Variants in TTC7A observed in about 807,000 individuals in gnomAD.
TTC7A encodes tetratricopeptide repeat protein 7A.
TTC7A carries 110 observed loss-of-function variants against 103.7 expected under a neutral mutation model. That is an observed-to-expected ratio of 1.06 (90% CI 0.91 to 1.24). TTC7A has a LOEUF of 1.24. TTC7A is among the 50% of genes most tolerant of loss of function. TTC7A has a pLI of 0.00. For synonymous variants in TTC7A, 521 were observed against 467.9 expected (o/e 1.11, Z -1.47); for missense variants, 1,340 against 1,116.3 (o/e 1.20, Z -2.86).
chr2:46,954,392 A>G (rs2103996476), intron 2 of TTC7A, among the ~76,000 whole-genome samples: 1 of 152,230 alleles, frequency 6.6e-6, no homozygotes, highest in African/African-American at 2.4e-5. Context: ...AATATTTCAC[A>G]TTCAAATGCA....
chr2:46,949,257 A>G (rs192634399), intron 1 of TTC7A, among the ~76,000 whole-genome samples: 4 of 152,142 alleles, frequency 2.6e-5, no homozygotes, highest in Non-Finnish European at 5.9e-5. Context: ...ATTTTTTGAG[A>G]CAGAATCTCA....
chr2:46,965,368 G>C (rs1672743889), intron 3 of TTC7A, among the ~76,000 whole-genome samples: 1 of 152,140 alleles, frequency 6.6e-6, no homozygotes, highest in African/African-American at 2.4e-5. Flanking sequence ...GGTGTGGGCT[G>C]TGTGCCTCAC....
chr2:46,952,530 T>G (rs952325591), intron 2 of TTC7A, among the ~76,000 whole-genome samples: 4 of 152,182 alleles, frequency 2.6e-5, no homozygotes, highest in Admixed American at 6.5e-5. Context: ...GGTGGGAGGA[T>G]TGCTTGAGCC....
intron 19 of TTC7A, among the ~76,000 whole-genome samples, chr2:47,068,862 CAAAAAA>C (rs201835431): frequency 5.7e-5 from 4 of 69,762 alleles, no homozygotes; most frequent in Non-Finnish European, 1.3e-4. Flanking sequence ...TCAATTTTTT[CAAAAAA>C]AAAAAAAAAA....
rs1685029908 is a variant in TTC7A, at chr2:47,074,164, T to C, written c.*241T>C. On this transcript the variant is annotated 3_prime_UTR_variant, in exon 20 of 20. Coordinates refer to ENST00000319190, the MANE Select transcript of TTC7A (RefSeq NM_020458.4). ...CCCTAAGTGCCTTTGGAGAGTTTTG[T>C]GGTGACCAGACTTGCTCCCCAAGAG... 3 of 554,060 alleles carry C rather than the reference T, an allele frequency of 5.4e-6. No homozygotes were observed. In the Admixed American group the frequency reaches 9.6e-5, roughly 18 times the overall value. 34.3% of individuals were successfully genotyped at this position (554,060 alleles called of 1,614,324 possible). A position where few individuals can be genotyped will look rare whatever the true frequency, so the allele number is the denominator to read the frequency against.
upstream of TTC7A, among the ~76,000 whole-genome samples, chr2:46,939,516 ACCCCC>A (rs1670154697): frequency 6.6e-6 from 1 of 152,246 alleles, no homozygotes; most frequent in East Asian, 1.9e-4. Context: ...AGTATTGGTG[ACCCCC>A]TTAAAGCAAC....
intron 14 of TTC7A, among the ~76,000 whole-genome samples, chr2:47,026,100 T>C (rs556105787): frequency 1.4e-4 from 22 of 152,268 alleles, no homozygotes; most frequent in Admixed American, 7.2e-4. Flanking sequence ...CTTGGAGACC[T>C]CATTTTGGCA....
At chr2:46,927,596 G>A (rs1372259774) in intron 2 of TTC7A, among the ~76,000 whole-genome samples, 3 of 151,826 alleles carry the variant, frequency 2.0e-5, no homozygotes, top group East Asian at 1.9e-4. Context: ...TCCTGACCTC[G>A]TGATCTGCTC....
chr2:47,021,133 A>G (rs111777698), intron 11 of TTC7A, among the ~76,000 whole-genome samples: 2 of 152,216 alleles, frequency 1.3e-5, no homozygotes, highest in African/African-American at 4.8e-5. Context: ...ACTTGGGCAC[A>G]CTACCACACC....
In TTC7A at chr2:46,958,563, G is replaced by A. The variant is rs756644672; in HGVS notation, c.517+1556G>A. ...GGTCCTGCAGGGGAGGTAAGGAGAC[G>A]GGCGCTGCCGGCGCGGGCTGCTTGG... On this transcript the variant is annotated intron_variant, in intron 3 of 19. Transcript: ENST00000319190. 8.8e-5 allele frequency: 115 copies of A among 1,301,776 alleles called. 1 individual carries two copies. The South Asian group carries it at 1.2e-3, about 13-fold the overall frequency. 80.6% of individuals were successfully genotyped at this position (1,301,776 alleles called of 1,614,324 possible). A position where few individuals can be genotyped will look rare whatever the true frequency, so the allele number is the denominator to read the frequency against.
At chr2:47,070,614 G>T (rs960389514) in intron 19 of TTC7A, among the ~76,000 whole-genome samples, 2 of 152,188 alleles carry the variant, frequency 1.3e-5, no homozygotes, top group Non-Finnish European at 2.9e-5. Context: ...GTGTGGTCAG[G>T]AGGAGCTCCG....
chr2:46,959,972 C>G (rs901380459), intron 3 of TTC7A, among the ~76,000 whole-genome samples: 1 of 152,214 alleles, frequency 6.6e-6, no homozygotes, highest in African/African-American at 2.4e-5. Flanking sequence ...CATGTTCCCC[C>G]ACTAAGATAG....
chr2:47,011,225 A>G, intron 10 of TTC7A, 106 bp from the exon 11 acceptor site: 1 of 1,049,166 alleles, frequency 9.5e-7, no homozygotes. Flanking sequence ...TCCTGAGAGC[A>G]AAGGGATACA....
intron 2 of TTC7A, among the ~76,000 whole-genome samples, chr2:46,920,735 A>G (rs143716797): frequency 7.8e-4 from 118 of 151,966 alleles, no homozygotes; most frequent in African/African-American, 2.5e-3. Flanking sequence ...GAACTTGCCT[A>G]TCTACTTGAA....
intron 8 of TTC7A, among the ~76,000 whole-genome samples, chr2:47,001,676 G>T (rs1170754257): frequency 6.6e-6 from 1 of 152,086 alleles, no homozygotes; most frequent in Non-Finnish European, 1.5e-5. Flanking sequence ...AGCCAACATG[G>T]TGAAGCCCCG....
intron 18 of TTC7A, among the ~76,000 whole-genome samples, chr2:47,054,610 A>C (rs1419523362): frequency 2.0e-5 from 3 of 152,146 alleles, no homozygotes; most frequent in Non-Finnish European, 2.9e-5. Flanking sequence ...AGGCAGGCAG[A>C]CGACTTGAGC....
At chr2:47,069,122 T>C (rs1204961197) in intron 19 of TTC7A, among the ~76,000 whole-genome samples, 1 of 152,042 alleles carries the variant, frequency 6.6e-6, no homozygotes, top group Non-Finnish European at 1.5e-5. Flanking sequence ...GGCCAGGCAG[T>C]GCTCCAGGAT....
intron 2 of TTC7A, among the ~76,000 whole-genome samples, chr2:46,935,360 G>A (rs946246524): frequency 3.9e-5 from 6 of 151,996 alleles, no homozygotes; most frequent in Admixed American, 1.3e-4. Flanking sequence ...ATCAAGTCCC[G>A]TCATTGGAAG....
Position 46,993,473 on chromosome 2 carries a change from A to C in TTC7A, c.788A>C (p.Glu263Ala). The C allele has an allele frequency of 1.9e-6, 3 of 1,614,132 alleles. No homozygotes were observed. The highest frequency in any genetic ancestry group is 1.1e-5 in the South Asian group (1 of 91,078). ...AGGAACATCGTGAAGGGCATGAGAG[A>C]GCTCCGGGAGGTGCTGCGGACTGTG... is the stretch of plus-strand genomic sequence containing the variant. The part of the protein sequence containing the change: ...KKGNIVKGMR[E>A]LREVLRTVET... The change falls in exon 6 of 20, where the codon GAG becomes GCG. Residue 263 changes from glutamate to alanine, a missense_variant. Coordinates refer to ENST00000319190, the MANE Select transcript of TTC7A (RefSeq NM_020458.4).
Sources: allele counts gnomAD v4.1 joint callset (sites outside exome capture counted in the v4.1 genomes callset), GRCh38; gene constraint gnomAD v4.1.1; transcripts MANE v1.5; gene names NCBI Gene and HGNC (gene_info 2026-07-23, HGNC 2026-07-21).